POLR2F: variants seen among roughly 807,000 people sequenced by gnomAD.
POLR2F encodes the protein DNA-directed RNA polymerases I, II, and III subunit RPABC2.
POLR2F carries 12 observed loss-of-function variants against 22.7 expected under a neutral mutation model. That is an observed-to-expected ratio of 0.53 (90% CI 0.34 to 0.86). The LOEUF (loss-of-function observed/expected upper bound fraction) is 0.86. POLR2F is among the 40% of genes least tolerant of loss of function. POLR2F has a pLI of 0.02. For missense variants in POLR2F, 126 were observed against 171.5 expected (o/e 0.73, Z 1.48); for synonymous variants, 57 against 66.0 (o/e 0.86, Z 0.66).
At chr22:37,956,322 C>T (rs372713790) in intron 1 of POLR2F, among the ~76,000 whole-genome samples, 22 of 152,136 alleles carry the variant, frequency 1.4e-4, no homozygotes, top group East Asian at 9.7e-4. Flanking sequence ...GAACTCCACC[C>T]GCCTTGGCCT....
intron 1 of POLR2F, among the ~76,000 whole-genome samples, chr22:38,000,331 G>A (rs2084757769): frequency 6.6e-6 from 1 of 152,212 alleles, no homozygotes; most frequent in South Asian, 2.1e-4. Flanking sequence ...GGGGCACTGT[G>A]GAGTAAACAG....
rs1396974896 is a variant in POLR2F at position 38,031,973 on chromosome 22, G to A, written c.453-9095G>A. Among the ~76,000 whole-genome samples the A allele has an allele frequency of 6.6e-6, 1 of 152,078 alleles. No homozygotes were observed. Among genetic ancestry groups the A allele is most frequent in the African/African-American group, 2.4e-5 (1 of 41,424 alleles). Reference sequence around the variant, plus strand: ...TGGCCTCTGTTTTGGTCTGAAGTCTGGAGATTTTGTCCAGTTTCTTTTTTT... The same window carrying A: ...TGGCCTCTGTTTTGGTCTGAAGTCTAGAGATTTTGTCCAGTTTCTTTTTTT... On this transcript the variant is annotated intron_variant, in intron 5 of 5. Transcript: ENST00000407936. The surrounding 1 kb of genome is among the most constrained non-coding windows in gnomAD (Gnocchi z 4.1).
intron 1 of POLR2F, among the ~76,000 whole-genome samples, chr22:37,991,735 T>C (rs1267331218): frequency 6.6e-6 from 1 of 152,166 alleles, no homozygotes; most frequent in Non-Finnish European, 1.5e-5. Context: ...CGTTCAGACC[T>C]GTTTGACGTG....
downstream of POLR2F, chr22:37,972,854 G>A (rs962827197): frequency 1.3e-5 from 2 of 153,594 alleles, no homozygotes; most frequent in African/African-American, 4.8e-5. Context: ...TGAGGTTATT[G>A]GCACAGAATT....
downstream of POLR2F, among the ~76,000 whole-genome samples, chr22:37,970,186 C>T (rs998109984): frequency 1.3e-5 from 2 of 151,048 alleles, no homozygotes; most frequent in South Asian, 2.1e-4. Context: ...CCCAGCTACT[C>T]GGGAGGCTGA....
At chr22:37,983,925 G>C (rs1932491082), upstream of POLR2F, 2 of 595,050 alleles carry the variant, frequency 3.4e-6, no homozygotes, top group South Asian at 3.5e-5. The surrounding 1 kb of genome is among the most constrained non-coding windows in gnomAD (Gnocchi z 9.5). Context: ...AGGGCGGCCC[G>C]AGACAGGACG....
chr22:38,003,056 G>A (rs1305515983), intron 1 of POLR2F, among the ~76,000 whole-genome samples: 2 of 152,062 alleles, frequency 1.3e-5, no homozygotes, highest in Admixed American at 1.3e-4. Flanking sequence ...AGGGAGATGT[G>A]TGAGCAAAGG....
At chr22:37,960,564 G>T (rs919810924) in intron 3 of POLR2F, among the ~76,000 whole-genome samples, 24 of 151,464 alleles carry the variant, frequency 1.6e-4, no homozygotes, top group Non-Finnish European at 2.9e-4. Flanking sequence ...TGCCCAGCTA[G>T]CTTTTTGTAT....
intron 1 of POLR2F, chr22:37,987,506 T>C (rs1185755189): frequency 5.6e-6 from 2 of 355,070 alleles, no homozygotes; most frequent in Admixed American, 7.5e-5. Context: ...CCCTGGTCCC[T>C]CACCTGTCAC....
chr22:37,971,643 G>A (rs1015678820), downstream of POLR2F, among the ~76,000 whole-genome samples: 2 of 152,102 alleles, frequency 1.3e-5, no homozygotes, highest in South Asian at 2.1e-4. Flanking sequence ...AGATCCTGGC[G>A]TGGGCTGCTG....
rs1479196017 is a variant in POLR2F, at chr22:38,017,443, C to A, written c.121-8426C>A. Among the ~76,000 whole-genome samples, 1 of 152,116 alleles carries A rather than the reference C, an allele frequency of 6.6e-6. No homozygotes were observed. Among genetic ancestry groups the A allele is most frequent in the Non-Finnish European group, 1.5e-5 (1 of 68,008 alleles). ...AAGAACCTCAGTAGGGGAAGGTGGG[C>A]CCTGGTACCACCTGGTTCTGCCAAG... On this transcript the variant is annotated intron_variant, in intron 1 of 2. Transcript: ENST00000333418. The surrounding 1 kb of genome is among the most constrained non-coding windows in gnomAD (Gnocchi z 4.1).
At chr22:37,979,299 T>C (rs1331257403) in intron 4 of POLR2F, among the ~76,000 whole-genome samples, 1 of 151,860 alleles carries the variant, frequency 6.6e-6, no homozygotes, top group Non-Finnish European at 1.5e-5. Flanking sequence ...GGTTTCACCA[T>C]ATTGGCCAGG....
intron 1 of POLR2F, among the ~76,000 whole-genome samples, chr22:38,010,259 C>T (rs2084859286): frequency 6.6e-6 from 1 of 151,972 alleles, no homozygotes; most frequent in Non-Finnish European, 1.5e-5. Context: ...CCTGTAGTCC[C>T]AGCTACTCGG....
rs1931424040 is a variant in POLR2F, at chr22:37,956,850, T to C, written c.90+8T>C. On this transcript the variant is annotated splice_region_variant and intron_variant, in intron 2 of 4. Transcript: ENST00000442738. ...TTGGAGAATGCCGAAGAGGTCAGTATTCAGCCTCAGGCTCCCACCTCTGCA... is the reference window on the plus strand; with the variant it reads ...TTGGAGAATGCCGAAGAGGTCAGTACTCAGCCTCAGGCTCCCACCTCTGCA... 6 of 1,610,162 alleles carry C rather than the reference T, an allele frequency of 3.7e-6. No individual in the cohort carries two copies. Among genetic ancestry groups the C allele is most frequent in the Non-Finnish European group, 5.1e-6 (6 of 1,176,266 alleles).
At chr22:38,010,204 A>G (rs138205593) in intron 1 of POLR2F, among the ~76,000 whole-genome samples, 3,152 of 152,206 alleles carry the variant, frequency 0.021, 141 homozygotes, top group Admixed American at 0.12. Flanking sequence ...GCAAGACTCC[A>G]TCTCTATTAA....
downstream of POLR2F, among the ~76,000 whole-genome samples, chr22:38,026,876 C>A (rs1235969187): frequency 6.6e-6 from 1 of 151,476 alleles, no homozygotes; most frequent in Non-Finnish European, 1.5e-5. Flanking sequence ...CCCCCAGTCT[C>A]CTACCCCGGC....
chr22:37,977,588 G>A (rs967926302), intron 4 of POLR2F, among the ~76,000 whole-genome samples: 7 of 152,034 alleles, frequency 4.6e-5, no homozygotes, highest in Admixed American at 2.0e-4. Context: ...CCAAAGTGCT[G>A]GGATTACAGG....
downstream of POLR2F, chr22:38,041,136 A>T (rs752122915): frequency 9.3e-6 from 15 of 1,612,452 alleles, no homozygotes; most frequent in Admixed American, 1.7e-5. Flanking sequence ...ACGGAAGTAC[A>T]TGGAATGCCA....
intron 5 of POLR2F, among the ~76,000 whole-genome samples, chr22:38,036,653 T>G (rs1167642405): frequency 6.6e-6 from 1 of 151,792 alleles, no homozygotes; most frequent in Non-Finnish European, 1.5e-5. Flanking sequence ...GGCCAAGAAC[T>G]GTGGGTCTCT....
Sources: gnomAD v4.1 joint callset for allele counts (sites outside exome capture counted in the v4.1 genomes callset) on GRCh38, gnomAD v4.1.1 for gene constraint, Gnocchi (gnomAD v3.1) non-coding constraint, MANE v1.5 for transcripts, NCBI Gene and HGNC (gene_info 2026-07-23, HGNC 2026-07-21) for gene names.